The following PMFBP1 variants were observed in gnomAD, a reference collection of about 807,000 sequenced individuals.
PMFBP1 encodes polyamine-modulated factor 1-binding protein 1.
In PMFBP1, 131 loss-of-function variants were observed where a neutral mutation model predicts 137.8. The observed-to-expected ratio is 0.95, with a 90% CI of 0.82 to 1.10. PMFBP1 has a LOEUF of 1.10. Among genes scored for constraint, PMFBP1 ranks in the 50% least tolerant of loss-of-function variants. The pLI is 0.00. For synonymous variants in PMFBP1, 490 were observed against 450.4 expected (o/e 1.09, Z -1.11); for missense variants, 1,199 against 1,175.4 (o/e 1.02, Z -0.29).
chr16:72,145,451 T>A (rs984906744), intron 5 of PMFBP1, among the ~76,000 whole-genome samples: 7 of 152,108 alleles, frequency 4.6e-5, no homozygotes, highest in Admixed American at 6.6e-5. Context: ...GTTGACACCC[T>A]AACATCACAA....
At chr16:72,218,794 T>C in the PMFBP1 span, among the ~76,000 whole-genome samples, 1 of 152,156 alleles carries the variant, frequency 6.6e-6, no homozygotes, top group Non-Finnish European at 1.5e-5. Flanking sequence ...ATATTCCAGG[T>C]GTGTTGAAAC....
the PMFBP1 span, among the ~76,000 whole-genome samples, chr16:72,234,491 C>T: frequency 2.0e-5 from 3 of 152,144 alleles, no homozygotes; most frequent in Non-Finnish European, 4.4e-5. Flanking sequence ...GTGATGTACA[C>T]AGCACGTACA....
chr16:72,242,708 T>C, the PMFBP1 span, among the ~76,000 whole-genome samples: 7 of 152,232 alleles, frequency 4.6e-5, no homozygotes, highest in Non-Finnish European at 7.3e-5. Context: ...TGTCACAATA[T>C]AATGCTAACC....
At chr16:72,174,683 C>T (rs1203904893), upstream of PMFBP1, among the ~76,000 whole-genome samples, 1 of 152,214 alleles carries the variant, frequency 6.6e-6, no homozygotes, top group Non-Finnish European at 1.5e-5. Context: ...TGGCAGACAG[C>T]ACCTCTTCAC....
At chr16:72,159,169 A>T (rs940447936) in intron 3 of PMFBP1, among the ~76,000 whole-genome samples, 5 of 152,130 alleles carry the variant, frequency 3.3e-5, no homozygotes, top group Non-Finnish European at 7.4e-5. Context: ...GAATGAGAGA[A>T]ATGCTCTTCT....
chr16:72,123,578 C>G lies in PMFBP1; in HGVS notation c.2661G>C (p.Met887Ile). ...CRLYRGNDQI[M>I]TNLEQWAKQQ... ...GTTTTGCCCATTGCTCCAAGTTGGT[C>G]ATAATCTGATCATTCCCTCGGTAGA... The change falls in exon 18 of 21, where the codon ATG (methionine) becomes ATC (isoleucine). Residue 887 changes from methionine to isoleucine, a missense_variant. Coordinates refer to ENST00000237353, the MANE Select transcript of PMFBP1 (RefSeq NM_031293.3). The G allele has an allele frequency of 6.2e-7, 1 of 1,614,166 alleles. No homozygotes were observed. Among genetic ancestry groups the G allele is most frequent in the Non-Finnish European group, 8.5e-7 (1 of 1,180,004 alleles).
the PMFBP1 span, among the ~76,000 whole-genome samples, chr16:72,225,732 T>TAATAATAA: frequency 6.8e-6 from 1 of 147,568 alleles, no homozygotes; most frequent in South Asian, 2.1e-4. Context: ...ATAATAATAA[T>TAATAATAA]AATAATAATA....
At chr16:72,217,682 T>C in the PMFBP1 span, among the ~76,000 whole-genome samples, 1 of 152,114 alleles carries the variant, frequency 6.6e-6, no homozygotes, top group East Asian at 1.9e-4. Context: ...TGAAACCCCA[T>C]CTCTACTAAA....
upstream of PMFBP1, among the ~76,000 whole-genome samples, chr16:72,173,214 G>A (rs2043237104): frequency 1.3e-5 from 2 of 152,176 alleles, no homozygotes; most frequent in African/African-American, 4.8e-5. Flanking sequence ...AAAGTTCACT[G>A]ATTCAGTGCT....
the PMFBP1 span, among the ~76,000 whole-genome samples, chr16:72,184,800 C>T: frequency 6.6e-6 from 1 of 152,212 alleles, no homozygotes; most frequent in African/African-American, 2.4e-5. Flanking sequence ...AACTCCCAGA[C>T]CCTTCATCCC....
At chr16:72,135,547 G>A (rs1208476643) in intron 9 of PMFBP1, among the ~76,000 whole-genome samples, 2 of 151,696 alleles carry the variant, frequency 1.3e-5, no homozygotes, top group South Asian at 2.1e-4. Context: ...TAGCTCTGAC[G>A]GAAGTTCAGA....
intron 7 of PMFBP1, among the ~76,000 whole-genome samples, chr16:72,137,429 C>T (rs9940996): frequency 0.041 from 6,155 of 151,890 alleles, 392 homozygotes; most frequent in African/African-American, 0.14. Context: ...AACAGAAGAG[C>T]GAAGGGGAAT....
upstream of PMFBP1, among the ~76,000 whole-genome samples, chr16:72,181,076 T>C (rs1391992279): frequency 6.6e-6 from 1 of 151,868 alleles, no homozygotes; most frequent in African/African-American, 2.4e-5. Flanking sequence ...CCGTCTCTAC[T>C]AAAAATACAA....
At chr16:72,240,058 A>C in the PMFBP1 span, among the ~76,000 whole-genome samples, 2 of 152,190 alleles carry the variant, frequency 1.3e-5, no homozygotes, top group Non-Finnish European at 2.9e-5. Flanking sequence ...TTTAATAAAA[A>C]TGCACAGAAC....
At chr16:72,198,182 C>T in the PMFBP1 span, among the ~76,000 whole-genome samples, 5 of 152,098 alleles carry the variant, frequency 3.3e-5, no homozygotes, top group Admixed American at 6.6e-5. Context: ...GTTGCCATGG[C>T]GACGTGTTCC....
At chr16:72,212,863 A>C in the PMFBP1 span, among the ~76,000 whole-genome samples, 2 of 152,206 alleles carry the variant, frequency 1.3e-5, no homozygotes, top group Non-Finnish European at 2.9e-5. Context: ...GTCGAATGAA[A>C]AATCAGACAT....
the PMFBP1 span, among the ~76,000 whole-genome samples, chr16:72,194,959 T>C: frequency 2.6e-5 from 4 of 152,196 alleles, no homozygotes; most frequent in Admixed American, 1.3e-4. Context: ...CATCAATCCA[T>C]AGTGTTCCTT....
In PMFBP1 at chr16:72,119,946, TC is replaced by T. The variant is rs1341597437; in HGVS notation, c.2911del (p.Glu971ArgfsTer42). 2 of 1,614,244 alleles carry T rather than the reference TC, an allele frequency of 1.2e-6. No individual in the cohort carries two copies. The highest frequency in any genetic ancestry group is 2.2e-5 in the South Asian group (2 of 91,082). On this transcript the variant is annotated frameshift_variant, in exon 20 of 21. Coordinates refer to ENST00000237353, the MANE Select transcript of PMFBP1 (RefSeq NM_031293.3). LOFTEE classifies it high-confidence loss of function. ...GPSRTESTQR[E>X]KVCGTLGWKG... is the part of the protein sequence containing the mutation. ...CCAGCCCAAGGTGCCGCACACTTTC[TC>T]CCTCTGTGTGGACTCCGTTCTGCTC...
At chr16:72,236,226 A>T in the PMFBP1 span, among the ~76,000 whole-genome samples, 2 of 152,234 alleles carry the variant, frequency 1.3e-5, no homozygotes, top group African/African-American at 4.8e-5. Flanking sequence ...TCAAATGCTT[A>T]TTCTGCTATT....
Sources: allele counts gnomAD v4.1 joint callset (sites outside exome capture counted in the v4.1 genomes callset), GRCh38; gene constraint gnomAD v4.1.1; transcripts MANE v1.5; gene names NCBI Gene and HGNC (gene_info 2026-07-23, HGNC 2026-07-21).